Variants in ZFPM2 observed in about 807,000 individuals in gnomAD.
The protein encoded by ZFPM2 is zinc finger protein ZFPM2.
A neutral mutation model predicts 98.6 loss-of-function variants in ZFPM2; 20 were observed. That is an observed-to-expected ratio of 0.20 (90% CI 0.14 to 0.29). ZFPM2 has a LOEUF of 0.29. ZFPM2 is among the 10% of genes least tolerant of loss of function. The probability of loss-of-function intolerance (pLI) is 1.00; values close to 1 mark genes in which losing one functional copy is unlikely to be tolerated. For synonymous variants in ZFPM2, 518 were observed against 502.7 expected (o/e 1.03, Z -0.41); for missense variants, 1,310 against 1,388.6 (o/e 0.94, Z 0.90).
intron 1 of ZFPM2, among the ~76,000 whole-genome samples, chr8:105,376,738 T>G (rs911992140): frequency 6.6e-6 from 1 of 152,210 alleles, no homozygotes; most frequent in African/African-American, 2.4e-5. Flanking sequence ...TCTGAATTCA[T>G]CTATTTCTGT....
At chr8:105,790,382 G>T (rs1290544240) in intron 6 of ZFPM2, among the ~76,000 whole-genome samples, 2 of 152,204 alleles carry the variant, frequency 1.3e-5, no homozygotes, top group African/African-American at 2.4e-5. Flanking sequence ...GTTTGTCAAA[G>T]ATCAGATAGA....
intron 5 of ZFPM2, among the ~76,000 whole-genome samples, chr8:105,683,598 T>A (rs982329951): frequency 6.6e-5 from 10 of 152,096 alleles, no homozygotes; most frequent in Non-Finnish European, 1.2e-4. Flanking sequence ...TTCACAGCAA[T>A]ATTTCTGGCT....
At chr8:105,614,378 C>A (rs1437197170) in intron 4 of ZFPM2, among the ~76,000 whole-genome samples, 1 of 152,032 alleles carries the variant, frequency 6.6e-6, no homozygotes, top group Non-Finnish European at 1.5e-5. Flanking sequence ...TTCAAGTTTG[C>A]AAATTTCATG....
intron 3 of ZFPM2, among the ~76,000 whole-genome samples, chr8:105,489,331 C>T (rs1270016459): frequency 2.7e-5 from 4 of 147,026 alleles, no homozygotes; most frequent in Non-Finnish European, 5.9e-5. Flanking sequence ...GAACACGTTT[C>T]ATGTATATGT....
At chr8:105,386,166 CA>C (rs1308212090) in intron 1 of ZFPM2, among the ~76,000 whole-genome samples, 2 of 152,086 alleles carry the variant, frequency 1.3e-5, no homozygotes, top group African/African-American at 4.8e-5. Context: ...TGTAGTAAAA[CA>C]AACAGAATAT....
At chr8:105,557,607 T>C (rs2130687793) in intron 3 of ZFPM2, among the ~76,000 whole-genome samples, 1 of 152,190 alleles carries the variant, frequency 6.6e-6, no homozygotes, top group East Asian at 1.9e-4. Flanking sequence ...TGGATTTTAT[T>C]TCATGGATTC....
intron 5 of ZFPM2, among the ~76,000 whole-genome samples, chr8:105,642,133 C>A (rs898366730): frequency 3.3e-5 from 5 of 151,912 alleles, no homozygotes; most frequent in African/African-American, 1.2e-4. Context: ...AAATGAGGGA[C>A]AACTCTTTAG....
chr8:105,501,813 A>G (rs1251170335), intron 3 of ZFPM2, among the ~76,000 whole-genome samples: 2 of 152,148 alleles, frequency 1.3e-5, no homozygotes, highest in Non-Finnish European at 2.9e-5. Context: ...TTAGTAATGA[A>G]TTTTTAATTG....
At chr8:105,511,594 A>G (rs1298416341) in intron 3 of ZFPM2, among the ~76,000 whole-genome samples, 3 of 152,212 alleles carry the variant, frequency 2.0e-5, no homozygotes, top group Non-Finnish European at 4.4e-5. Flanking sequence ...AACTCATCAC[A>G]TTGCTGATCC....
intron 3 of ZFPM2, among the ~76,000 whole-genome samples, chr8:105,547,402 C>T (rs768571470): frequency 9.9e-5 from 15 of 151,592 alleles, no homozygotes; most frequent in Admixed American, 3.9e-4. Context: ...AATAGCCGAG[C>T]GTGGTGGTGG....
chr8:105,487,925 T>G (rs1288518469), intron 3 of ZFPM2, among the ~76,000 whole-genome samples: 17 of 111,064 alleles, frequency 1.5e-4, no homozygotes, highest in South Asian at 3.4e-4. Flanking sequence ...TATCTATCTA[T>G]CTATCTAGCT....
chr8:105,415,048 C>G (rs1031947), intron 1 of ZFPM2: 52,223 of 151,930 alleles, frequency 0.34, 11,281 homozygotes, highest in African/African-American at 0.62. Context: ...TCCACTTTCT[C>G]TCCAGAGTGC....
At chr8:105,446,965 G>C (rs1812386090) in intron 3 of ZFPM2, among the ~76,000 whole-genome samples, 1 of 152,218 alleles carries the variant, frequency 6.6e-6, no homozygotes, top group East Asian at 1.9e-4. Context: ...TGCATAAACA[G>C]CAATTACTTT....
chr8:105,679,289 G>A (rs563344160), intron 5 of ZFPM2, among the ~76,000 whole-genome samples: 1 of 152,316 alleles, frequency 6.6e-6, no homozygotes, highest in East Asian at 1.9e-4. Context: ...GGCAACAAAT[G>A]ATTGTGAAGT....
intron 5 of ZFPM2, among the ~76,000 whole-genome samples, chr8:105,656,008 C>T (rs1362901093): frequency 6.6e-6 from 1 of 151,884 alleles, no homozygotes; most frequent in Non-Finnish European, 1.5e-5. Flanking sequence ...TATTGTGGGC[C>T]TACTGATACA....
chr8:105,415,739 C>A (rs1811668398), intron 1 of ZFPM2, among the ~76,000 whole-genome samples: 1 of 152,042 alleles, frequency 6.6e-6, no homozygotes, highest in Non-Finnish European at 1.5e-5. Flanking sequence ...TGATCTTAAA[C>A]CATAAATATT....
intron 5 of ZFPM2, among the ~76,000 whole-genome samples, chr8:105,761,561 A>G (rs1812734845): frequency 6.6e-6 from 1 of 151,914 alleles, no homozygotes; most frequent in Non-Finnish European, 1.5e-5. Flanking sequence ...GAAGGAACTA[A>G]GGATAATTTC....
chr8:105,392,095 G>T (rs891854522), intron 1 of ZFPM2, among the ~76,000 whole-genome samples: 11 of 152,146 alleles, frequency 7.2e-5, no homozygotes, highest in Admixed American at 1.3e-4. Context: ...AAACAATATA[G>T]GTTTCCTTGT....
chr8:105,798,728 T>G lies in ZFPM2; in HGVS notation c.744T>G (p.Asp248Glu). The G allele has an allele frequency of 6.2e-7, 1 of 1,612,996 alleles. No homozygotes were observed. Among genetic ancestry groups the G allele is most frequent in the Non-Finnish European group, 8.5e-7 (1 of 1,179,326 alleles). ...SILPTAIVNK[D>E]IFPCKSCGIW... ...CTCTTGTGTTTTTACCTGCAGAGGATATATTCCCTTGCAAGTCCTGTGGCA... is the reference window on the plus strand; with the variant it reads ...CTCTTGTGTTTTTACCTGCAGAGGAGATATTCCCTTGCAAGTCCTGTGGCA... The change falls in exon 7 of 8, where the codon GAT becomes GAG. Residue 248 changes from aspartate to glutamate, a missense_variant. Asp to Glu is a conservative substitution (Grantham distance 45). Transcript: ENST00000407775.
Sources: allele counts gnomAD v4.1 joint callset (sites outside exome capture counted in the v4.1 genomes callset), GRCh38; gene constraint gnomAD v4.1.1; transcripts MANE v1.5; gene names NCBI Gene and HGNC (gene_info 2026-07-23, HGNC 2026-07-21).